The following TET3 variants were observed in gnomAD, a reference collection of about 807,000 sequenced individuals.
TET3 encodes the protein tet methylcytosine dioxygenase 3.
A neutral mutation model predicts 141.4 loss-of-function variants in TET3; 19 were observed. The observed-to-expected ratio is 0.13, with a 90% CI of 0.09 to 0.20. The LOEUF is 0.20. TET3 is among the 10% of genes least tolerant of loss of function. TET3 has a pLI of 1.00. For synonymous variants in TET3, 1,043 were observed against 980.9 expected (o/e 1.06, Z -1.18); for missense variants, 1,874 against 2,356.9 (o/e 0.80, Z 4.24).
rs145825170 is a variant in TET3, at chr2:73,988,898, G to C, written c.303+2192G>C. On this transcript the variant is annotated intron_variant, in intron 2 of 11. Transcript: ENST00000409262. Reference sequence around the variant, plus strand: ...AAAATGTGCTTTATGAAGTGAAGGTGTAATAGAAATTAGACCTTTTTTTTT... The same window carrying C: ...AAAATGTGCTTTATGAAGTGAAGGTCTAATAGAAATTAGACCTTTTTTTTT... Among the ~76,000 whole-genome samples, 1,270 of 142,148 alleles carry C rather than the reference G, an allele frequency of 8.9e-3. 12 individuals carry two copies. The highest frequency in any genetic ancestry group is 0.022 in the African/African-American group (841 of 37,626). 93.3% of individuals were successfully genotyped at this position (142,148 alleles called of 152,430 possible). A position where few individuals can be genotyped will look rare whatever the true frequency, so the allele number is the denominator to read the frequency against.
intron 3 of TET3, among the ~76,000 whole-genome samples, chr2:74,006,504 G>T (rs930857510): frequency 1.3e-5 from 2 of 152,206 alleles, no homozygotes; most frequent in African/African-American, 4.8e-5. Flanking sequence ...CCCTGGACCT[G>T]CCCTCAGGGA....
chr2:74,012,161 A>C (rs989951401), intron 3 of TET3, among the ~76,000 whole-genome samples: 1 of 151,970 alleles, frequency 6.6e-6, no homozygotes, highest in African/African-American at 2.4e-5. Context: ...GGGTTTTACC[A>C]TGTTGCCCAG....
intron 10 of TET3, among the ~76,000 whole-genome samples, chr2:74,094,344 A>C (rs2104138770): frequency 6.6e-6 from 1 of 152,190 alleles, no homozygotes; most frequent in East Asian, 1.9e-4. Flanking sequence ...GAACAACAGG[A>C]AGGGAGTAAC....
In TET3 at chr2:74,051,598, G is replaced by A. The variant is rs147638029; in HGVS notation, c.2494+3187G>A. ...GGTGAAGGGTGATAACCCTGTGGTA[G>A]GAGACCCGTTAGGAAGCTTTTGAGA... On this transcript the variant is annotated intron_variant, in intron 4 of 11. Coordinates refer to ENST00000409262, the MANE Select transcript of TET3 (RefSeq NM_001287491.2). 3.1e-3 allele frequency among the ~76,000 whole-genome samples: 476 copies of A among 152,308 alleles called. 1 individual carries two copies. Among genetic ancestry groups the A allele is most frequent in the African/African-American group, 0.011 (441 of 41,556 alleles).
At chr2:74,044,300 C>T (rs1487848291) in intron 3 of TET3, among the ~76,000 whole-genome samples, 1 of 152,162 alleles carries the variant, frequency 6.6e-6, no homozygotes, top group African/African-American at 2.4e-5. Context: ...AGAAAAATAG[C>T]AGGGATCATA....
At chr2:74,042,414 C>T (rs977676417) in intron 3 of TET3, among the ~76,000 whole-genome samples, 2 of 152,202 alleles carry the variant, frequency 1.3e-5, no homozygotes, top group African/African-American at 4.8e-5. Flanking sequence ...GTAGCCACTG[C>T]TCAGTTACAG....
chr2:74,114,227 G>A, the TET3 span, among the ~76,000 whole-genome samples: 6 of 152,102 alleles, frequency 3.9e-5, no homozygotes, highest in African/African-American at 1.4e-4. Context: ...TGAACAAATG[G>A]TGCTGGCTTA....
At chr2:73,996,868 A>T (rs1489204857) in intron 2 of TET3, among the ~76,000 whole-genome samples, 1 of 152,192 alleles carries the variant, frequency 6.6e-6, no homozygotes, top group African/African-American at 2.4e-5. Context: ...CCGGCAGCCC[A>T]TTGTGGGATA....
At chr2:74,008,799 A>G (rs34555419) in intron 3 of TET3, among the ~76,000 whole-genome samples, 6,943 of 152,248 alleles carry the variant, frequency 0.046, 211 homozygotes, top group Middle Eastern at 0.088. Flanking sequence ...TGCCACAGAA[A>G]TATTCCTTAA....
chr2:74,117,943 A>C, the TET3 span, among the ~76,000 whole-genome samples: 1 of 151,912 alleles, frequency 6.6e-6, no homozygotes, highest in Middle Eastern at 3.2e-3. Flanking sequence ...ACGGGGTTTC[A>C]CCATGTTGGC....
chr2:74,073,931 T>C, intron 5 of TET3: 1 of 233,810 alleles, frequency 4.3e-6, no homozygotes, highest in East Asian at 8.7e-5. Context: ...TGAATTTTGC[T>C]GATAGCTTTC....
downstream of TET3, among the ~76,000 whole-genome samples, chr2:74,110,632 ACCT>A (rs1236726583): frequency 1.3e-5 from 2 of 151,930 alleles, no homozygotes; most frequent in Non-Finnish European, 2.9e-5. Flanking sequence ...ACCCCCCAGC[ACCT>A]CATCCCCACT....
At chr2:74,045,711 G>T (rs1687579115) in intron 3 of TET3, among the ~76,000 whole-genome samples, 1 of 152,208 alleles carries the variant, frequency 6.6e-6, no homozygotes, top group African/African-American at 2.4e-5. Flanking sequence ...TCTGTGCTCA[G>T]CCTGGGCTTA....
the TET3 span, chr2:74,134,907 G>A: frequency 0.028 from 10,410 of 377,542 alleles, 302 homozygotes; most frequent in African/African-American, 0.1. Context: ...CCTGCTCCTC[G>A]GTGTGACTTG....
chr2:74,074,571 G>A (rs1289155381), intron 5 of TET3, among the ~76,000 whole-genome samples: 2 of 152,240 alleles, frequency 1.3e-5, no homozygotes, highest in African/African-American at 2.4e-5. Context: ...CTCAGGGGCT[G>A]AGAGCAGGGA....
chr2:74,077,414 G>C (rs1202448277), intron 5 of TET3, among the ~76,000 whole-genome samples: 1 of 152,214 alleles, frequency 6.6e-6, no homozygotes, highest in African/African-American at 2.4e-5. Context: ...TTATCCTTTA[G>C]AATAAGATGA....
In TET3 at chr2:74,047,001, G is replaced by A; in HGVS notation, c.1084G>A (p.Ala362Thr). 6.2e-7 allele frequency: 1 copy of A among 1,613,934 alleles called. No individual in the cohort carries two copies. Among genetic ancestry groups the A allele is most frequent in the Non-Finnish European group, 8.5e-7 (1 of 1,179,868 alleles). ...ISLQTAIAIE[A>T]LTQLSSALPQ... ...CTTGCAGACCGCCATTGCCATTGAG[G>A]CCCTCACACAGCTCTCCTCTGCCCT... Residue 362 changes from alanine (A) to threonine (T), a missense_variant, in exon 4 of 12, where the codon GCC becomes ACC. Physicochemically the swap from Ala to Thr is moderately conservative, Grantham distance 58 (BLOSUM62 0). This residue lies in a region of TET3 where 366 missense variants were observed against 487.0 expected (regional missense o/e 0.75). Transcript: ENST00000409262.
At chr2:74,035,774 G>A (rs1687017709) in intron 3 of TET3, among the ~76,000 whole-genome samples, 1 of 150,376 alleles carries the variant, frequency 6.6e-6, no homozygotes. Flanking sequence ...CACTTTGGGA[G>A]GCCGAGGTGG....
At position 74,102,123 on chromosome 2, in the gene TET3, G is replaced by A. The variant is rs746737026; in HGVS notation, c.5335G>A (p.Val1779Met). Residue 1779 changes from valine (V) to methionine (M), a missense_variant, in exon 12 of 12, where the codon GTG (valine) becomes ATG (methionine). By Grantham distance (21) the Val-to-Met change is conservative. Around this residue, in one of 10 missense-constraint regions of TET3, gnomAD observed 113 missense variants for 114.3 expected, o/e 0.99. Coordinates refer to ENST00000409262, the MANE Select transcript of TET3 (RefSeq NM_001287491.2). ...LAVPTDSAVT[V>M]SSYAYTKVTG... ...TGTGCCCACAGACTCGGCGGTCACC[G>A]TGTCCTCCTATGCCTACACGAAGGT... 26 of 1,488,444 alleles carry A rather than the reference G, an allele frequency of 1.7e-5. No individual in the cohort carries two copies. Among genetic ancestry groups the A allele is most frequent in the African/African-American group, 5.6e-5 (4 of 71,092 alleles). 92.2% of individuals were successfully genotyped at this position (1,488,444 alleles called of 1,614,324 possible).
Sources: allele counts gnomAD v4.1 joint callset (sites outside exome capture counted in the v4.1 genomes callset), GRCh38; gene constraint gnomAD v4.1.1; regional missense constraint gnomAD v4.1.1; transcripts MANE v1.5; gene names NCBI Gene and HGNC (gene_info 2026-07-23, HGNC 2026-07-21).